SV2C: variants seen among roughly 807,000 people sequenced by gnomAD.
SV2C encodes the protein solute carrier family 22 member B3.
In SV2C, 49 loss-of-function variants were observed where a neutral mutation model predicts 79.7. The ratio of observed to expected loss-of-function variants is 0.61; its 90% CI spans 0.49 to 0.78. The LOEUF (loss-of-function observed/expected upper bound fraction) is 0.78, where lower values mean the gene tolerates loss of function less well. Ranked by LOEUF, SV2C falls within the 30% of genes least tolerant of loss-of-function variation. The pLI is 0.00. For synonymous variants in SV2C, 334 were observed against 333.2 expected (o/e 1.00, Z -0.03); for missense variants, 833 against 912.9 (o/e 0.91, Z 1.13).
chr5:75,858,113 T>C, the SV2C span, among the ~76,000 whole-genome samples: 2,856 of 152,306 alleles, frequency 0.019, 46 homozygotes, highest in Middle Eastern at 0.048. Context: ...CTTTGTCTGA[T>C]TGCTCTAGCT....
intron 12 of SV2C, among the ~76,000 whole-genome samples, chr5:76,308,146 G>A (rs1748270966): frequency 6.6e-6 from 1 of 152,150 alleles, no homozygotes; most frequent in Non-Finnish European, 1.5e-5. Flanking sequence ...TCTTATTTAA[G>A]CCTTTTGCTT....
intron 1 of SV2C, chr5:76,091,857 CA>C (rs780124752): frequency 2.6e-5 from 4 of 152,090 alleles, no homozygotes; most frequent in Non-Finnish European, 1.5e-5. Context: ...GAATACTCAT[CA>C]GAATTTTATA....
intron 2 of SV2C, among the ~76,000 whole-genome samples, chr5:76,190,098 T>C (rs1744047953): frequency 6.6e-6 from 1 of 152,068 alleles, no homozygotes. Flanking sequence ...GCAGTGATGG[T>C]TTTTGGTGTG....
chr5:75,881,310 C>T, the SV2C span, among the ~76,000 whole-genome samples: 1 of 152,174 alleles, frequency 6.6e-6, no homozygotes, highest in Admixed American at 6.5e-5. Context: ...ATAGTAGCTA[C>T]ATCCTTGGTT....
chr5:76,342,438 G>A (rs752291467), intron 12 of SV2C, among the ~76,000 whole-genome samples: 8 of 152,210 alleles, frequency 5.3e-5, no homozygotes, highest in African/African-American at 7.2e-5. Flanking sequence ...TTTACAAAAC[G>A]GTGGTGGAGA....
At chr5:76,032,696 C>T in the SV2C span, among the ~76,000 whole-genome samples, 114 of 152,172 alleles carry the variant, frequency 7.5e-4, no homozygotes, top group African/African-American at 1.6e-3. Context: ...TGAATAATGC[C>T]GCAATAAACA....
the SV2C span, among the ~76,000 whole-genome samples, chr5:75,881,442 T>A: frequency 2.0e-5 from 3 of 152,194 alleles, no homozygotes; most frequent in African/African-American, 7.2e-5. Flanking sequence ...GTACATTATA[T>A]GTTTATGAAG....
chr5:76,068,205 AT>A, the SV2C span, among the ~76,000 whole-genome samples: 1 of 152,160 alleles, frequency 6.6e-6, no homozygotes, highest in Non-Finnish European at 1.5e-5. Flanking sequence ...CATAAATATT[AT>A]CTTCCTGAGA....
chr5:75,896,894 T>TA, the SV2C span, among the ~76,000 whole-genome samples: 3 of 147,140 alleles, frequency 2.0e-5, no homozygotes, highest in South Asian at 4.2e-4. Context: ...TCATGTCCTT[T>TA]GCCCACTTTT....
At chr5:76,024,553 T>C in the SV2C span, among the ~76,000 whole-genome samples, 5 of 152,328 alleles carry the variant, frequency 3.3e-5, no homozygotes, top group East Asian at 3.9e-4. Flanking sequence ...CCCTTTTCCA[T>C]AAGCATTACA....
chr5:76,232,560 T>C (rs1745458781), intron 4 of SV2C, among the ~76,000 whole-genome samples: 2 of 151,452 alleles, frequency 1.3e-5, no homozygotes, highest in African/African-American at 4.9e-5. Context: ...TCTAGGGTTT[T>C]TATGGTTTTA....
chr5:76,292,796 C>A (rs1271754876), intron 8 of SV2C, among the ~76,000 whole-genome samples: 1 of 152,154 alleles, frequency 6.6e-6, no homozygotes, highest in Non-Finnish European at 1.5e-5. Context: ...GAGAAAATAA[C>A]AAGATTTTAT....
chr5:76,213,839 C>G (rs1218406773), intron 4 of SV2C, among the ~76,000 whole-genome samples: 1 of 152,088 alleles, frequency 6.6e-6, no homozygotes, highest in East Asian at 1.9e-4. Flanking sequence ...CATCTTATAA[C>G]CAAAAGTTTG....
chr5:75,856,675 C>T, the SV2C span, among the ~76,000 whole-genome samples: 1 of 152,032 alleles, frequency 6.6e-6, no homozygotes, highest in Admixed American at 6.5e-5. Context: ...GTTTGAGCAC[C>T]TTACATATTC....
intron 4 of SV2C, among the ~76,000 whole-genome samples, chr5:76,237,957 G>T (rs1483361280): frequency 3.4e-5 from 5 of 148,994 alleles, no homozygotes; most frequent in African/African-American, 1.2e-4. Flanking sequence ...TATGGCCCTA[G>T]TCCAGAGGAC....
chr5:75,889,597 G>T, the SV2C span, among the ~76,000 whole-genome samples: 3 of 151,996 alleles, frequency 2.0e-5, no homozygotes, highest in African/African-American at 7.2e-5. Flanking sequence ...ATGATTTAGT[G>T]ACCACATTTT....
chr5:76,313,592 A>C (rs953505432), intron 12 of SV2C, among the ~76,000 whole-genome samples: 1 of 152,186 alleles, frequency 6.6e-6, no homozygotes, highest in Non-Finnish European at 1.5e-5. Context: ...GGTACTGAGC[A>C]AGCCCTTGCA....
At chr5:76,228,462 G>T (rs1022044953) in intron 4 of SV2C, among the ~76,000 whole-genome samples, 2 of 152,276 alleles carry the variant, frequency 1.3e-5, no homozygotes, top group African/African-American at 2.4e-5. Context: ...GCCTGATGAT[G>T]CACTTCAGGA....
chr5:76,041,551 T>C, the SV2C span, among the ~76,000 whole-genome samples: 3 of 152,088 alleles, frequency 2.0e-5, no homozygotes, highest in Admixed American at 2.0e-4. Context: ...GGGCAAGGAA[T>C]TCTGGGATCC....
Sources: gnomAD v4.1 joint callset for allele counts (sites outside exome capture counted in the v4.1 genomes callset) on GRCh38, gnomAD v4.1.1 for gene constraint, MANE v1.5 for transcripts, NCBI Gene and HGNC (gene_info 2026-07-23, HGNC 2026-07-21) for gene names.